Variants in PXDNL observed in about 807,000 individuals in gnomAD.
PXDNL encodes peroxidasin like, also known as probable oxidoreductase PXDNL.
Under a neutral mutation model 150.8 loss-of-function variants are expected in PXDNL, and 145 were observed. That is an observed-to-expected ratio of 0.96 (90% CI 0.84 to 1.10). The LOEUF (loss-of-function observed/expected upper bound fraction) is 1.10, where lower values mean the gene tolerates loss of function less well. Among genes scored for constraint, PXDNL ranks in the 50% least tolerant of loss-of-function variants. PXDNL has a pLI of 0.00. For synonymous variants in PXDNL, 757 were observed against 725.7 expected (o/e 1.04, Z -0.69); for missense variants, 2,087 against 1,873.9 (o/e 1.11, Z -2.10).
intron 1 of PXDNL, among the ~76,000 whole-genome samples, chr8:51,729,937 G>A (rs1013243937): frequency 6.6e-6 from 1 of 152,176 alleles, no homozygotes; most frequent in Non-Finnish European, 1.5e-5. Context: ...AAACTATGAA[G>A]ACAATAAAAA....
intron 4 of PXDNL, among the ~76,000 whole-genome samples, chr8:51,536,490 A>G (rs1024765925): frequency 2.0e-5 from 3 of 152,236 alleles, no homozygotes; most frequent in Non-Finnish European, 2.9e-5. Context: ...TGAAAAAGGT[A>G]ATGAAGGCGT....
intron 2 of PXDNL, among the ~76,000 whole-genome samples, chr8:51,633,070 C>T (rs1225099447): frequency 1.3e-5 from 2 of 151,974 alleles, no homozygotes; most frequent in Admixed American, 6.6e-5. Flanking sequence ...TTCTAATACC[C>T]CCCGTGTCAA....
chr8:51,422,112 T>C (rs547083466), intron 14 of PXDNL, among the ~76,000 whole-genome samples: 12 of 152,128 alleles, frequency 7.9e-5, no homozygotes, highest in Middle Eastern at 3.4e-3. Flanking sequence ...CTTATGAGAA[T>C]CTAATGCCTG....
intron 3 of PXDNL, among the ~76,000 whole-genome samples, chr8:51,565,985 C>T (rs1812822146): frequency 6.6e-6 from 1 of 151,760 alleles, no homozygotes; most frequent in South Asian, 2.1e-4. Flanking sequence ...AGTACCCTCG[C>T]TTCCTAGTTT....
At chr8:51,485,796 G>T (rs1220887839) in intron 5 of PXDNL, among the ~76,000 whole-genome samples, 2 of 152,100 alleles carry the variant, frequency 1.3e-5, no homozygotes, top group Non-Finnish European at 2.9e-5. Flanking sequence ...CATCTTTCTT[G>T]CCATGCTTTA....
chr8:51,371,774 G>GT, intron 19 of PXDNL, 99 bp downstream of exon 19: 1 of 1,093,680 alleles, frequency 9.1e-7, no homozygotes, highest in Non-Finnish European at 1.3e-6. Flanking sequence ...GGCTTTTTGC[G>GT]TATCTTTCTT....
In PXDNL at chr8:51,644,318, T is replaced by TTATATATATATATATATATATATATATA. The variant is rs1406776100; in HGVS notation, c.236+10370_236+10371insTATATATATATATATATATATATATATA. 1.7e-3 allele frequency among the ~76,000 whole-genome samples: 106 copies of TTATATATATATATATATATATATATATA among 63,298 alleles called. 38 individuals carry two copies. Among genetic ancestry groups the TTATATATATATATATATATATATATATA allele is most frequent in the Non-Finnish European group, 3.1e-3 (75 of 24,000 alleles). 41.5% of individuals were successfully genotyped at this position (63,298 alleles called of 152,430 possible). ...TAAACCCTGTAGCAAAGGCACATTT[T>TTATATATATATATATATATATATATATA]TACATATATATATATATATACACAC... On this transcript the variant is annotated intron_variant, in intron 2 of 22. Transcript: ENST00000356297.
intron 1 of PXDNL, among the ~76,000 whole-genome samples, chr8:51,696,753 C>CACATCCA (rs1402646727): frequency 1.2e-3 from 2 of 1,640 alleles, no homozygotes; most frequent in Non-Finnish European, 2.5e-3. Context: ...ACATACCCAC[C>CACATCCA]CACACATAGG....
At chr8:51,615,533 G>A (rs957987440) in intron 2 of PXDNL, among the ~76,000 whole-genome samples, 3 of 151,704 alleles carry the variant, frequency 2.0e-5, no homozygotes, top group Non-Finnish European at 4.4e-5. Flanking sequence ...GAGTCTGGGG[G>A]GAAAAGAGAG....
chr8:51,534,314 G>A (rs1811999850), intron 4 of PXDNL, among the ~76,000 whole-genome samples: 1 of 147,130 alleles, frequency 6.8e-6, no homozygotes, highest in South Asian at 2.1e-4. Context: ...GAAGTGAGGA[G>A]CGTCTACGCC....
intron 20 of PXDNL, 26 bp downstream of exon 20, chr8:51,345,807 A>G: frequency 7.0e-7 from 1 of 1,425,910 alleles, no homozygotes; most frequent in Non-Finnish European, 9.9e-7. Context: ...AAGTTGCCTA[A>G]AGAAATGAGA....
chr8:51,323,453 G>A (rs968320385), intron 21 of PXDNL, among the ~76,000 whole-genome samples: 1 of 151,882 alleles, frequency 6.6e-6, no homozygotes, highest in Non-Finnish European at 1.5e-5. Flanking sequence ...CTAATTTTTT[G>A]TTGTTGCTGT....
At chr8:51,635,767 T>C (rs1480572314) in intron 2 of PXDNL, among the ~76,000 whole-genome samples, 1 of 151,998 alleles carries the variant, frequency 6.6e-6, no homozygotes, top group Admixed American at 6.6e-5. Flanking sequence ...TCGTAAATTT[T>C]ATCAAATATT....
At chr8:51,534,857 C>A (rs1812027842) in intron 4 of PXDNL, among the ~76,000 whole-genome samples, 1 of 121,626 alleles carries the variant, frequency 8.2e-6, no homozygotes, top group Non-Finnish European at 1.7e-5. Flanking sequence ...GGGATCAGCC[C>A]CCCGCCTGGC....
chr8:51,436,709 C>T (rs548868402), intron 12 of PXDNL, among the ~76,000 whole-genome samples: 4 of 152,106 alleles, frequency 2.6e-5, no homozygotes, highest in South Asian at 2.1e-4. Flanking sequence ...GCAAACACAG[C>T]GCTAAGAGGG....
In PXDNL at chr8:51,319,880, C is replaced by A; in HGVS notation, c.*11G>T. 6.6e-7 allele frequency: 1 copy of A among 1,503,768 alleles called. No individual in the cohort carries two copies. Among genetic ancestry groups the A allele is most frequent in the Non-Finnish European group, 8.9e-7 (1 of 1,126,644 alleles). 93.2% of individuals were successfully genotyped at this position (1,503,768 alleles called of 1,614,324 possible). On this transcript the variant is annotated 3_prime_UTR_variant, in exon 23 of 23. Coordinates refer to ENST00000356297, the MANE Select transcript of PXDNL (RefSeq NM_144651.5). ...ATTTCCCATTTGGGGCTCAACAGCACAAAACTTTTATTAGCGCTTCTCTGG... is the reference window on the plus strand; with the variant it reads ...ATTTCCCATTTGGGGCTCAACAGCAAAAAACTTTTATTAGCGCTTCTCTGG...
At chr8:51,804,688 C>A (rs1180821019) in intron 1 of PXDNL, among the ~76,000 whole-genome samples, 1 of 152,124 alleles carries the variant, frequency 6.6e-6, no homozygotes, top group Non-Finnish European at 1.5e-5. Context: ...CCCTTCACTT[C>A]ATTTATAGAA....
At chr8:51,758,695 G>T (rs1197230848) in intron 1 of PXDNL, among the ~76,000 whole-genome samples, 1 of 152,094 alleles carries the variant, frequency 6.6e-6, no homozygotes, top group Admixed American at 6.6e-5. Flanking sequence ...TGTGAAGAAG[G>T]TGCCTTCCCT....
At chr8:51,400,454 C>T (rs1054497539) in intron 17 of PXDNL, among the ~76,000 whole-genome samples, 11 of 151,902 alleles carry the variant, frequency 7.2e-5, no homozygotes, top group Non-Finnish European at 7.4e-5. Context: ...ACTTCTAAAA[C>T]GCGTTACTAA....
Sources: allele counts gnomAD v4.1 joint callset (sites outside exome capture counted in the v4.1 genomes callset), GRCh38; gene constraint gnomAD v4.1.1; transcripts MANE v1.5; gene names NCBI Gene and HGNC (gene_info 2026-07-23, HGNC 2026-07-21).